PROS1: variants seen among roughly 807,000 people sequenced by gnomAD.
The protein encoded by PROS1 is protein S, also known as vitamin K-dependent protein S.
PROS1 carries 29 observed loss-of-function variants against 75.9 expected under a neutral mutation model. That is an observed-to-expected ratio of 0.38 (90% CI 0.28 to 0.52). PROS1 has a LOEUF of 0.52. PROS1 is among the 20% of genes least tolerant of loss of function. PROS1 has a pLI of 0.83. For synonymous variants in PROS1, 245 were observed against 280.6 expected (o/e 0.87, Z 1.27); for missense variants, 680 against 810.3 (o/e 0.84, Z 1.95).
At chr3:93,972,255 G>A (rs576223231) in intron 1 of PROS1, among the ~76,000 whole-genome samples, 10 of 152,308 alleles carry the variant, frequency 6.6e-5, no homozygotes, top group Admixed American at 1.3e-4. Flanking sequence ...AGCGCATGTA[G>A]TTACAAATTG....
At chr3:93,939,695 C>T (rs1709251494) in intron 1 of PROS1, among the ~76,000 whole-genome samples, 1 of 152,014 alleles carries the variant, frequency 6.6e-6, no homozygotes, top group Non-Finnish European at 1.5e-5. Flanking sequence ...TCTTTTTCAT[C>T]AAATGTAAAA....
chr3:93,902,959 C>T (rs1339193145), intron 6 of PROS1, among the ~76,000 whole-genome samples: 2 of 151,654 alleles, frequency 1.3e-5, no homozygotes, highest in South Asian at 4.2e-4. Context: ...CTCTGCCTCC[C>T]GGGTTCACGC....
At position 93,879,178 on chromosome 3, in the gene PROS1, G is replaced by T; in HGVS notation, c.1629C>A (p.Thr543=). The T allele has an allele frequency of 6.2e-7, 1 of 1,614,070 alleles. No homozygotes were observed. The highest frequency in any genetic ancestry group is 8.5e-7 in the Non-Finnish European group (1 of 1,179,994). The change falls in exon 13 of 15, where the codon ACC becomes ACA. Residue 543 remains threonine (T), a synonymous_variant. Transcript: ENST00000394236. ...GTTAAGTTACCTGTGATTTTTCAGA[G>T]GTGGAGTCCACCAAGGACACAGCAA... ...VPFAVSLVDS[T]SEKSQDILLS...
Position 93,943,453 on chromosome 3 carries a change from T to A in PROS1, c.77-16046A>T, listed in dbSNP as rs1449062555. 3.9e-5 allele frequency among the ~76,000 whole-genome samples: 6 copies of A among 152,070 alleles called. No homozygotes were observed. In the East Asian group the frequency reaches 1.2e-3, roughly 29 times the overall value. On this transcript the variant is annotated intron_variant, in intron 1 of 14. Transcript: ENST00000394236. ...ATCCAGGCCATCACCAACCATTCTA[T>A]ACAACCAATGTCACTTCTAACAACC...
At chr3:93,952,116 C>T (rs1230708670) in intron 1 of PROS1, among the ~76,000 whole-genome samples, 2 of 152,132 alleles carry the variant, frequency 1.3e-5, no homozygotes, top group Non-Finnish European at 2.9e-5. Flanking sequence ...GACTTAGACT[C>T]CCACACAATA....
intron 1 of PROS1, among the ~76,000 whole-genome samples, chr3:93,960,251 A>C (rs1709682936): frequency 6.8e-6 from 1 of 147,690 alleles, no homozygotes; most frequent in South Asian, 2.1e-4. Flanking sequence ...ATCTTAGCTC[A>C]CTGCAAGCTC....
At chr3:93,935,262 T>C (rs1031747766) in intron 1 of PROS1, among the ~76,000 whole-genome samples, 36 of 152,152 alleles carry the variant, frequency 2.4e-4, no homozygotes, top group African/African-American at 8.4e-4. Flanking sequence ...TGTTTCCTAA[T>C]GCTACAACAG....
chr3:93,929,668 A>T (rs1663929434), intron 1 of PROS1, among the ~76,000 whole-genome samples: 1 of 152,232 alleles, frequency 6.6e-6, no homozygotes, highest in South Asian at 2.1e-4. Context: ...TATATATGTA[A>T]ATATCATGTG....
intron 1 of PROS1, among the ~76,000 whole-genome samples, chr3:93,969,126 T>TC (rs1364885110): frequency 6.7e-6 from 1 of 148,328 alleles, no homozygotes; most frequent in African/African-American, 2.5e-5. Context: ...TGTTTTCTTT[T>TC]TTTTTTTTTT....
At chr3:93,939,297 C>G (rs1176368534) in intron 1 of PROS1, among the ~76,000 whole-genome samples, 1 of 152,076 alleles carries the variant, frequency 6.6e-6, no homozygotes, top group East Asian at 1.9e-4. Context: ...AGTCTCTGTT[C>G]CTAATGCAAC....
intron 1 of PROS1, among the ~76,000 whole-genome samples, chr3:93,941,788 C>T (rs1216579976): frequency 6.6e-6 from 1 of 152,210 alleles, no homozygotes; most frequent in Non-Finnish European, 1.5e-5. Flanking sequence ...CTGCTACTGC[C>T]ATAACACTTT....
At chr3:93,931,038 T>C (rs9823823) in intron 1 of PROS1, among the ~76,000 whole-genome samples, 6,437 of 152,288 alleles carry the variant, frequency 0.042, 476 homozygotes, top group African/African-American at 0.15. Flanking sequence ...TTGGATTTCA[T>C]CTAGTTCAGC....
chr3:93,927,471 A>G, intron 1 of PROS1, 64 bp from the exon 2 acceptor site: 1 of 1,511,264 alleles, frequency 6.6e-7, no homozygotes, highest in Non-Finnish European at 9.0e-7. Flanking sequence ...TTGTTTTATT[A>G]AACAATAAGA....
At chr3:93,944,871 T>C (rs1263499337) in intron 1 of PROS1, among the ~76,000 whole-genome samples, 1 of 152,038 alleles carries the variant, frequency 6.6e-6, no homozygotes, top group Non-Finnish European at 1.5e-5. Context: ...ATCTAGGAGC[T>C]GGTTTTTTGA....
chr3:93,934,424 A>G (rs1180636179), intron 1 of PROS1, among the ~76,000 whole-genome samples: 2 of 152,276 alleles, frequency 1.3e-5, no homozygotes, highest in Admixed American at 1.3e-4. Context: ...TTCACCAACT[A>G]TTATCCTTGC....
chr3:93,959,429 T>C (rs1263444833), intron 1 of PROS1, among the ~76,000 whole-genome samples: 1 of 152,202 alleles, frequency 6.6e-6, no homozygotes, highest in African/African-American at 2.4e-5. Context: ...CTGGAGACCT[T>C]CTCCACAAGC....
In PROS1 at chr3:93,910,713, T is replaced by C. The variant is rs1708748285; in HGVS notation, c.260-8A>G. 1.2e-6 allele frequency: 2 copies of C among 1,605,396 alleles called. No homozygotes were observed. Among genetic ancestry groups the C allele is most frequent in the Non-Finnish European group, 1.7e-6 (2 of 1,173,698 alleles). ...GAAAAGAGCGAAGACAAACTGAAAA[T>C]AAAAACAAACATAATCTTCTTAGAG... is the stretch of plus-strand genomic sequence containing the variant. On this transcript the variant is annotated splice_region_variant and splice_polypyrimidine_tract_variant and intron_variant, in intron 3 of 14. Transcript: ENST00000394236.
chr3:93,964,502 A>T (rs1709757788), intron 1 of PROS1, among the ~76,000 whole-genome samples: 1 of 152,140 alleles, frequency 6.6e-6, no homozygotes, highest in African/African-American at 2.4e-5. Context: ...GGGTGGGGAA[A>T]AAACCTCACC....
At chr3:93,955,160 CAG>C (rs1426144566) in intron 1 of PROS1, among the ~76,000 whole-genome samples, 2 of 152,208 alleles carry the variant, frequency 1.3e-5, no homozygotes, top group African/African-American at 4.8e-5. Context: ...TTGTGGAAGA[CAG>C]TGTGGCAATT....
Sources: gnomAD v4.1 joint callset for allele counts (sites outside exome capture counted in the v4.1 genomes callset) on GRCh38, gnomAD v4.1.1 for gene constraint, MANE v1.5 for transcripts, NCBI Gene and HGNC (gene_info 2026-07-23, HGNC 2026-07-21) for gene names.